TWIST2: variants seen among roughly 807,000 people sequenced by gnomAD.
TWIST2 encodes twist-related protein 2.
In TWIST2, 1 loss-of-function variant was observed where a neutral mutation model predicts 11.6. That is an observed-to-expected ratio of 0.09 (90% CI 0.03 to 0.41). The LOEUF is 0.41. Among genes scored for constraint, TWIST2 ranks in the 10% least tolerant of loss-of-function variants. The probability of loss-of-function intolerance (pLI) is 0.98; values close to 1 mark genes in which losing one functional copy is unlikely to be tolerated. For missense variants in TWIST2, 168 were observed against 226.4 expected (o/e 0.74, Z 1.66); for synonymous variants, 87 against 96.6 (o/e 0.90, Z 0.58).
chr2:238,899,026 C>T (rs2106372338), intron 1 of TWIST2, among the ~76,000 whole-genome samples: 1 of 152,372 alleles, frequency 6.6e-6, no homozygotes, highest in East Asian at 1.9e-4. Flanking sequence ...CCATCTGTGC[C>T]CTGCTGCCCT....
At position 238,858,829 on chromosome 2, in the gene TWIST2, A is replaced by G. The variant is rs150079696; in HGVS notation, c.*35+10096A>G. On this transcript the variant is annotated intron_variant, in intron 1 of 1. Coordinates refer to ENST00000612363, the MANE Select transcript of TWIST2 (RefSeq NM_001271893.4). ...AATGTTCATAGCAACATTATTCACA[A>G]TAGTCAAAAGACGGAAACAGCAAAG... Among the ~76,000 whole-genome samples, 1,286 of 152,374 alleles carry G rather than the reference A, an allele frequency of 8.4e-3. 16 individuals carry two copies. The highest frequency in any genetic ancestry group is 0.03 in the African/African-American group (1,232 of 41,586).
chr2:238,868,266 G>T (rs1200757335), intron 1 of TWIST2, among the ~76,000 whole-genome samples: 1 of 152,192 alleles, frequency 6.6e-6, no homozygotes, highest in African/African-American at 2.4e-5. Flanking sequence ...TCTCTGGGGT[G>T]CAGACAAGCT....
At chr2:238,850,558 T>C (rs1328431218) in intron 1 of TWIST2, among the ~76,000 whole-genome samples, 2 of 152,180 alleles carry the variant, frequency 1.3e-5, no homozygotes, top group Admixed American at 1.3e-4. Context: ...CCAGTAGATA[T>C]GATGCTGCTA....
intron 1 of TWIST2, among the ~76,000 whole-genome samples, chr2:238,865,773 T>G (rs1433226444): frequency 6.6e-6 from 1 of 152,092 alleles, no homozygotes; most frequent in African/African-American, 2.4e-5. Flanking sequence ...GGTCCCTTTT[T>G]ATACGTGGTG....
chr2:238,893,463 T>A (rs1406685801), intron 1 of TWIST2, among the ~76,000 whole-genome samples: 7 of 152,166 alleles, frequency 4.6e-5, no homozygotes, highest in African/African-American at 1.7e-4. Flanking sequence ...TCTGCCACAC[T>A]TTCCAGGCCC....
intron 1 of TWIST2, among the ~76,000 whole-genome samples, chr2:238,859,663 G>A (rs1692396546): frequency 6.6e-6 from 1 of 151,762 alleles, no homozygotes; most frequent in Non-Finnish European, 1.5e-5. Context: ...GGGGCTAAGC[G>A]TTCACCCATC....
In TWIST2 at chr2:238,864,417, C is replaced by T. The variant is rs1692494011; in HGVS notation, c.*35+15684C>T. Among the ~76,000 whole-genome samples the T allele has an allele frequency of 6.6e-6, 1 of 152,214 alleles. No homozygotes were observed. Among genetic ancestry groups the T allele is most frequent in the African/African-American group, 2.4e-5 (1 of 41,452 alleles). ...GAGCCGACTGGGAGCAGGAGTGACTCAGAGCCGTGGCTTTTTGTCCTCTGG... is the reference window on the plus strand; with the variant it reads ...GAGCCGACTGGGAGCAGGAGTGACTTAGAGCCGTGGCTTTTTGTCCTCTGG... On this transcript the variant is annotated intron_variant, in intron 1 of 1. Coordinates refer to ENST00000612363, the MANE Select transcript of TWIST2 (RefSeq NM_001271893.4). The surrounding 1 kb of genome is among the most constrained non-coding windows in gnomAD (Gnocchi z 4.7).
chr2:238,900,902 T>C (rs1401910224), intron 1 of TWIST2, among the ~76,000 whole-genome samples: 2 of 152,132 alleles, frequency 1.3e-5, no homozygotes, highest in African/African-American at 4.8e-5. Flanking sequence ...CCTGATAACC[T>C]GAAGATAATC....
intron 1 of TWIST2, among the ~76,000 whole-genome samples, chr2:238,880,242 A>T (rs1692890173): frequency 6.6e-6 from 1 of 151,666 alleles, no homozygotes; most frequent in South Asian, 2.1e-4. Context: ...TATTAGTATT[A>T]GTGTTAGTAT....
intron 1 of TWIST2, among the ~76,000 whole-genome samples, chr2:238,871,698 A>G (rs1692707748): frequency 7.2e-6 from 1 of 138,304 alleles, no homozygotes; most frequent in Non-Finnish European, 1.5e-5. Context: ...CACACACACG[A>G]TGGAATGTCA....
chr2:238,876,359 G>A (rs1295157675), intron 1 of TWIST2, among the ~76,000 whole-genome samples: 1 of 152,206 alleles, frequency 6.6e-6, no homozygotes, highest in Non-Finnish European at 1.5e-5. Flanking sequence ...CCCTACAAGA[G>A]ACTGCAGGCT....
At position 238,857,894 on chromosome 2, in the gene TWIST2, G is replaced by A. The variant is rs866679852; in HGVS notation, c.*35+9161G>A. On this transcript the variant is annotated intron_variant, in intron 1 of 1. Transcript: ENST00000612363. Reference sequence around the variant, plus strand: ...AGAGGTTGCAGTGAGCTGAGATCGCGCCACTGCACTCCAGCCTGAGCGACA... The same window carrying A: ...AGAGGTTGCAGTGAGCTGAGATCGCACCACTGCACTCCAGCCTGAGCGACA... Among the ~76,000 whole-genome samples the A allele has an allele frequency of 4.6e-5, 7 of 152,228 alleles. No homozygotes were observed. In the South Asian group the frequency reaches 1.0e-3, roughly 23 times the overall value.
chr2:238,897,524 G>T (rs1693220508), intron 1 of TWIST2, among the ~76,000 whole-genome samples: 1 of 152,168 alleles, frequency 6.6e-6, no homozygotes, highest in South Asian at 2.1e-4. Context: ...CTGGTGCCTG[G>T]TTCCCTAGTG....
intron 1 of TWIST2, among the ~76,000 whole-genome samples, chr2:238,881,923 C>T (rs1490235237): frequency 6.6e-6 from 1 of 152,088 alleles, no homozygotes; most frequent in Non-Finnish European, 1.5e-5. Flanking sequence ...GGCATCACAG[C>T]CACTCTGTGA....
intron 1 of TWIST2, among the ~76,000 whole-genome samples, chr2:238,860,886 C>T (rs528618238): frequency 5.9e-5 from 9 of 152,212 alleles, no homozygotes; most frequent in East Asian, 1.9e-4. Flanking sequence ...TGCAGTGAGC[C>T]GACATCGCGC....
rs368941203 is a variant in TWIST2 at position 238,867,873 on chromosome 2, C to T, written c.*35+19140C>T. On this transcript the variant is annotated intron_variant, in intron 1 of 1. Transcript: ENST00000612363. The surrounding 1 kb of genome is among the most constrained non-coding windows in gnomAD (Gnocchi z 4.8). ...GTGGGAGGCAAAGGCTGGGGATGGC[C>T]GGATGGCCCTGGGACCAGCAGAAGG... is the stretch of plus-strand genomic sequence containing the variant. 2.9e-4 allele frequency among the ~76,000 whole-genome samples: 44 copies of T among 152,264 alleles called. No homozygotes were observed. The highest frequency in any genetic ancestry group is 9.7e-4 in the East Asian group (5 of 5,168).
intron 1 of TWIST2, among the ~76,000 whole-genome samples, chr2:238,895,609 G>A (rs1693197287): frequency 6.6e-6 from 1 of 152,344 alleles, no homozygotes; most frequent in East Asian, 1.9e-4. Context: ...CGCTGTCTCT[G>A]AAAGTTGGGA....
chr2:238,892,624 G>T (rs1203170931), intron 1 of TWIST2, among the ~76,000 whole-genome samples: 1 of 146,258 alleles, frequency 6.8e-6, no homozygotes, highest in Non-Finnish European at 1.5e-5. Context: ...GGGACTACAG[G>T]CGACCACCAC....
At chr2:238,858,336 A>C (rs890200567) in intron 1 of TWIST2, among the ~76,000 whole-genome samples, 7 of 152,222 alleles carry the variant, frequency 4.6e-5, no homozygotes, top group Admixed American at 4.6e-4. Context: ...TTTGCAATTA[A>C]TTGAAGTCAC....
Sources: gnomAD v4.1 joint callset for allele counts (sites outside exome capture counted in the v4.1 genomes callset) on GRCh38, gnomAD v4.1.1 for gene constraint, Gnocchi (gnomAD v3.1) non-coding constraint, MANE v1.5 for transcripts, NCBI Gene and HGNC (gene_info 2026-07-23, HGNC 2026-07-21) for gene names.